CTNNA3: variants seen among roughly 807,000 people sequenced by gnomAD.
CTNNA3 encodes catenin alpha-3.
Under a neutral mutation model 95.7 loss-of-function variants are expected in CTNNA3, and 76 were observed. That is an observed-to-expected ratio of 0.79 (90% CI 0.66 to 0.96). The LOEUF (loss-of-function observed/expected upper bound fraction) is 0.96, where lower values mean the gene tolerates loss of function less well. Among genes scored for constraint, CTNNA3 ranks in the 40% least tolerant of loss-of-function variants. CTNNA3 has a pLI of 0.00. For missense variants in CTNNA3, 1,191 were observed against 1,089.8 expected (o/e 1.09, Z -1.31); for synonymous variants, 431 against 374.4 (o/e 1.15, Z -1.74).
Position 66,845,729 on chromosome 10 carries a change from A to AAAAAAC in CTNNA3, c.1048-70206_1048-70205insGTTTTT, listed in dbSNP as rs1297933220. On this transcript the variant is annotated intron_variant, in intron 7 of 17. Coordinates refer to ENST00000433211, the MANE Select transcript of CTNNA3 (RefSeq NM_013266.4). ...AAAAAAAAAAAAAAAAAAAAAAAAA[A>AAAAAAC]CTAAAAAGGTGAGATATATATACAT... 8.3e-3 allele frequency among the ~76,000 whole-genome samples: 731 copies of AAAAAAC among 87,600 alleles called. 43 individuals carry two copies. Among genetic ancestry groups the AAAAAAC allele is most frequent in the Non-Finnish European group, 0.012 (457 of 38,876 alleles). The allele number at this position is 87,600 out of a possible 152,430, so 57.5% of individuals were successfully genotyped here.
intron 11 of CTNNA3, among the ~76,000 whole-genome samples, chr10:66,506,138 A>G (rs1166869894): frequency 6.6e-6 from 1 of 152,128 alleles, no homozygotes; most frequent in African/African-American, 2.4e-5. Context: ...CCCTTGCAGG[A>G]ATAAATAGAG....
At chr10:67,413,197 C>T (rs1410884996) in intron 5 of CTNNA3, among the ~76,000 whole-genome samples, 1 of 152,042 alleles carries the variant, frequency 6.6e-6, no homozygotes, top group African/African-American at 2.4e-5. Flanking sequence ...GTCACCATTC[C>T]TCATCATTCA....
chr10:66,164,255 T>C (rs1293187243), intron 13 of CTNNA3, among the ~76,000 whole-genome samples: 2 of 152,186 alleles, frequency 1.3e-5, no homozygotes, highest in Non-Finnish European at 2.9e-5. Flanking sequence ...ATGTATATAG[T>C]AAATACCATC....
At chr10:66,915,931 T>C (rs1437915968) in intron 7 of CTNNA3, among the ~76,000 whole-genome samples, 1 of 151,998 alleles carries the variant, frequency 6.6e-6, no homozygotes, top group Non-Finnish European at 1.5e-5. Context: ...GTATTTTTAG[T>C]AGAGATGGGA....
At chr10:66,660,860 T>G (rs1846238703) in intron 9 of CTNNA3, among the ~76,000 whole-genome samples, 1 of 152,144 alleles carries the variant, frequency 6.6e-6, no homozygotes, top group Non-Finnish European at 1.5e-5. Context: ...TATTCCTTAT[T>G]TATTGACTTT....
At chr10:67,589,616 C>T (rs1403342360) in intron 3 of CTNNA3, among the ~76,000 whole-genome samples, 6 of 151,990 alleles carry the variant, frequency 3.9e-5, no homozygotes, top group African/African-American at 1.4e-4. Flanking sequence ...TTTTATATTC[C>T]ACTATTTTTT....
At chr10:67,021,534 T>TA (rs1554899329) in intron 7 of CTNNA3, among the ~76,000 whole-genome samples, 1 of 152,010 alleles carries the variant, frequency 6.6e-6, no homozygotes, top group African/African-American at 2.4e-5. Flanking sequence ...AAAATTACAA[T>TA]AAAAAATTTG....
At chr10:67,629,868 C>T (rs1420356011) in intron 2 of CTNNA3, among the ~76,000 whole-genome samples, 1 of 152,196 alleles carries the variant, frequency 6.6e-6, no homozygotes, top group Non-Finnish European at 1.5e-5. Context: ...CACTATGACT[C>T]AACTCTTCCC....
chr10:67,649,694 A>G (rs1839822800), intron 1 of CTNNA3, among the ~76,000 whole-genome samples: 1 of 152,240 alleles, frequency 6.6e-6, no homozygotes, highest in Non-Finnish European at 1.5e-5. Context: ...TAGGGCTATC[A>G]TAGGCAGAAA....
At chr10:66,360,728 CT>C in intron 12 of CTNNA3, among the ~76,000 whole-genome samples, 1 of 15,404 alleles carries the variant, frequency 6.5e-5, no homozygotes, top group Non-Finnish European at 2.1e-4. Flanking sequence ...TTCTTCCTTT[CT>C]TTCTTTCTTT....
chr10:67,678,519 G>GT (rs1462416557), intron 1 of CTNNA3, among the ~76,000 whole-genome samples: 1 of 152,152 alleles, frequency 6.6e-6, no homozygotes, highest in Non-Finnish European at 1.5e-5. Flanking sequence ...AACAAAGAAT[G>GT]ATACGTTAGG....
chr10:66,211,284 C>T (rs1160426442), intron 13 of CTNNA3, among the ~76,000 whole-genome samples: 1 of 152,130 alleles, frequency 6.6e-6, no homozygotes, highest in African/African-American at 2.4e-5. Flanking sequence ...AACTGAAATA[C>T]TACATATGAG....
At chr10:67,033,505 G>A (rs542037400) in intron 7 of CTNNA3, among the ~76,000 whole-genome samples, 7 of 152,228 alleles carry the variant, frequency 4.6e-5, no homozygotes, top group East Asian at 3.9e-4. Context: ...ACCAATACAC[G>A]ATGTAAATAA....
At chr10:65,936,148 C>A (rs193193428) in intron 17 of CTNNA3, among the ~76,000 whole-genome samples, 1 of 152,218 alleles carries the variant, frequency 6.6e-6, no homozygotes, top group Admixed American at 6.5e-5. Context: ...AGGGAGTTTA[C>A]AATTGGACTT....
At chr10:66,497,450 C>T (rs1301434934) in intron 11 of CTNNA3, among the ~76,000 whole-genome samples, 4 of 151,648 alleles carry the variant, frequency 2.6e-5, no homozygotes, top group African/African-American at 7.3e-5. Context: ...GAGATTTCAG[C>T]ATATTGAGAT....
chr10:66,360,678 C>CTTTCTTTCTTTCTTTTCTTTCTTT (rs1491415824), intron 12 of CTNNA3, among the ~76,000 whole-genome samples: 1 of 79,206 alleles, frequency 1.3e-5, no homozygotes. Flanking sequence ...TTCCTTCCTT[C>CTTTCTTTCTTTCTTTTCTTTCTTT]CTTCCTTCCT....
chr10:66,122,021 G>A (rs1178814906), intron 13 of CTNNA3, among the ~76,000 whole-genome samples: 5 of 152,086 alleles, frequency 3.3e-5, no homozygotes, highest in Non-Finnish European at 7.4e-5. Flanking sequence ...CACACAACCA[G>A]ATTGAAACAT....
In CTNNA3 at chr10:67,005,682, C is replaced by CTTTTTTTTTTTTTTTTTTTTTTTTTT. The variant is rs11369576; in HGVS notation, c.1047+174634_1047+174635insAAAAAAAAAAAAAAAAAAAAAAAAAA. On this transcript the variant is annotated intron_variant, in intron 7 of 17. Transcript: ENST00000433211. ...AATGCTTTTGTTTATTTTACTCCAT[C>CTTTTTTTTTTTTTTTTTTTTTTTTTT]TTTTTTTTTTTTTTTTTTTTTGAGA... 1.3e-4 allele frequency among the ~76,000 whole-genome samples: 8 copies of CTTTTTTTTTTTTTTTTTTTTTTTTTT among 61,984 alleles called. 2 individuals are homozygous for CTTTTTTTTTTTTTTTTTTTTTTTTTT. In the East Asian group the frequency reaches 2.1e-3, roughly 16 times the overall value. 40.7% of individuals were successfully genotyped at this position (61,984 alleles called of 152,430 possible).
At chr10:67,507,711 A>G (rs1839472816) in intron 5 of CTNNA3, among the ~76,000 whole-genome samples, 1 of 152,200 alleles carries the variant, frequency 6.6e-6, no homozygotes, top group African/African-American at 2.4e-5. Context: ...GGAATACTAC[A>G]AACTCATTTT....
Sources: gnomAD v4.1 joint callset for allele counts (sites outside exome capture counted in the v4.1 genomes callset) on GRCh38, gnomAD v4.1.1 for gene constraint, MANE v1.5 for transcripts, NCBI Gene and HGNC (gene_info 2026-07-23, HGNC 2026-07-21) for gene names.